Variants in SEMA3A observed in about 807,000 individuals in gnomAD.
The protein encoded by SEMA3A is semaphorin-3A.
In SEMA3A, 29 loss-of-function variants were observed where a neutral mutation model predicts 97.9. The observed-to-expected ratio is 0.30, with a 90% confidence interval of 0.22 to 0.40. The LOEUF (loss-of-function observed/expected upper bound fraction) is 0.40. Ranked by LOEUF, SEMA3A falls within the 10% of genes least tolerant of loss-of-function variation. SEMA3A has a pLI of 1.00. For missense variants in SEMA3A, 763 were observed against 951.3 expected (o/e 0.80, Z 2.60); for synonymous variants, 321 against 323.7 (o/e 0.99, Z 0.09).
chr7:84,037,324 T>C, intron 6 of SEMA3A, among the ~76,000 whole-genome samples: 1 of 151,972 alleles, frequency 6.6e-6, no homozygotes, highest in Non-Finnish European at 1.5e-5. Context: ...CTTTTGTTTA[T>C]TTGTTGTTGT....
intron 4 of SEMA3A, among the ~76,000 whole-genome samples, chr7:84,062,132 C>T (rs180711830): frequency 6.6e-6 from 1 of 152,164 alleles, no homozygotes. Context: ...TATTTATATT[C>T]TATTAATTAT....
intron 5 of SEMA3A, among the ~76,000 whole-genome samples, chr7:84,059,899 A>G (rs1793147198): frequency 6.6e-6 from 1 of 152,098 alleles, no homozygotes; most frequent in Admixed American, 6.6e-5. Context: ...TCTGGAAAAA[A>G]TTCTTTATTT....
At chr7:84,275,067 T>A (rs1800259311) in intron 3 of SEMA3A, among the ~76,000 whole-genome samples, 1 of 152,112 alleles carries the variant, frequency 6.6e-6, no homozygotes, top group Non-Finnish European at 1.5e-5. Flanking sequence ...TATTATTTTT[T>A]ACATATAATT....
intron 2 of SEMA3A, among the ~76,000 whole-genome samples, chr7:84,369,837 A>G (rs114742330): frequency 0.014 from 2,077 of 149,018 alleles, 46 homozygotes; most frequent in African/African-American, 0.049. Flanking sequence ...ATATGAATGA[A>G]AATTAGTAAT....
intron 1 of SEMA3A, among the ~76,000 whole-genome samples, chr7:84,478,399 A>C (rs1011771426): frequency 1.3e-5 from 2 of 152,162 alleles, no homozygotes; most frequent in Non-Finnish European, 2.9e-5. Flanking sequence ...TTGCATATAA[A>C]ATTACATACA....
chr7:83,990,952 C>T (rs958855933), intron 12 of SEMA3A, among the ~76,000 whole-genome samples: 18 of 152,260 alleles, frequency 1.2e-4, no homozygotes, highest in African/African-American at 4.1e-4. Context: ...TACCCATGAG[C>T]ATGGAATGTT....
At chr7:83,980,250 T>C (rs1293340656) in intron 14 of SEMA3A, among the ~76,000 whole-genome samples, 1 of 152,108 alleles carries the variant, frequency 6.6e-6, no homozygotes, top group African/African-American at 2.4e-5. Flanking sequence ...GCAACTTTTA[T>C]TCAAGCATGT....
chr7:84,141,265 G>GTTAC (rs1796283411), intron 1 of SEMA3A, among the ~76,000 whole-genome samples: 1 of 152,170 alleles, frequency 6.6e-6, no homozygotes, highest in South Asian at 2.1e-4. Flanking sequence ...ATCCTGATCT[G>GTTAC]TTACTAACTT....
intron 2 of SEMA3A, among the ~76,000 whole-genome samples, chr7:84,131,823 C>T (rs1432867653): frequency 6.6e-6 from 1 of 151,884 alleles, no homozygotes; most frequent in East Asian, 1.9e-4. Flanking sequence ...GACAAGGTCT[C>T]ACTCTATTGC....
At chr7:84,102,471 C>A (rs1794985390) in intron 4 of SEMA3A, among the ~76,000 whole-genome samples, 1 of 151,710 alleles carries the variant, frequency 6.6e-6, no homozygotes, top group African/African-American at 2.4e-5. Flanking sequence ...CTATGCAGAC[C>A]AAATGTGCTA....
At chr7:84,473,415 G>A (rs946629976) in intron 1 of SEMA3A, among the ~76,000 whole-genome samples, 3 of 148,190 alleles carry the variant, frequency 2.0e-5, no homozygotes, top group Admixed American at 6.8e-5. Flanking sequence ...TATTATTTGC[G>A]ATTGAATCTC....
Position 84,243,907 on chromosome 7 carries a change from T to A in SEMA3A, c.-82-49239A>T, listed in dbSNP as rs191013829. On this transcript the variant is annotated intron_variant, in intron 3 of 3. Coordinates refer to the SEMA3A transcript ENST00000424555. ...GTTCAGTTTCCATGTAGTTGTGTGG[T>A]TTTGAGTGAGTTTCTTAATCCTGAG... Among the ~76,000 whole-genome samples the A allele has an allele frequency of 2.5e-3, 386 of 152,290 alleles. 1 individual carries two copies. Among genetic ancestry groups the A allele is most frequent in the African/African-American group, 8.9e-3 (370 of 41,566 alleles).
intron 3 of SEMA3A, among the ~76,000 whole-genome samples, chr7:84,304,219 T>C (rs528878155): frequency 6.6e-6 from 1 of 152,272 alleles, no homozygotes; most frequent in East Asian, 1.9e-4. Context: ...AATAGATTCA[T>C]AACATGAAGT....
intron 12 of SEMA3A, among the ~76,000 whole-genome samples, chr7:83,987,083 C>T (rs891084089): frequency 6.7e-6 from 1 of 150,116 alleles, no homozygotes; most frequent in African/African-American, 2.4e-5. Flanking sequence ...TATATTTATA[C>T]ACATCTTATC....
At chr7:84,011,474 C>T (rs901932281) in intron 7 of SEMA3A, among the ~76,000 whole-genome samples, 177 bp from the exon 8 acceptor site, 2 of 152,124 alleles carry the variant, frequency 1.3e-5, no homozygotes, top group East Asian at 3.9e-4. Flanking sequence ...CATTTGTGGT[C>T]GAATCGTTCC....
Position 84,046,374 on chromosome 7 carries a change from C to G in SEMA3A, c.617G>C (p.Gly206Ala). The G allele has an allele frequency of 6.2e-7, 1 of 1,613,182 alleles. No individual in the cohort carries two copies. The highest frequency in any genetic ancestry group is 1.1e-5 in the South Asian group (1 of 91,060). The change falls in exon 6 of 17, where the codon GGG becomes GCG. Residue 206 changes from glycine (G) to alanine (A), a missense_variant. Gly to Ala is a moderately conservative substitution (Grantham distance 60). Transcript: ENST00000265362. The stretch of plus-strand genomic sequence containing the variant: ...CTCTGTCCTGATTGGGTGGTGGTGC[C>G]CAAGAGTTCGGAAGATAGCAAAGTC... ...GRDFAIFRTL[G>A]HHHPIRTEQH...
chr7:84,361,372 A>T (rs1202123306), intron 2 of SEMA3A, among the ~76,000 whole-genome samples: 7 of 152,244 alleles, frequency 4.6e-5, no homozygotes, highest in Non-Finnish European at 1.0e-4. Context: ...AATATTCCTG[A>T]ACAAGGGAAA....
intron 2 of SEMA3A, among the ~76,000 whole-genome samples, chr7:84,325,940 T>C (rs1801765797): frequency 6.6e-6 from 1 of 152,118 alleles, no homozygotes; most frequent in Non-Finnish European, 1.5e-5. Flanking sequence ...TATCCACTGT[T>C]CTGCTCTCAG....
intron 3 of SEMA3A, among the ~76,000 whole-genome samples, chr7:84,224,166 A>G (rs1004701887): frequency 6.6e-6 from 1 of 151,956 alleles, no homozygotes; most frequent in Non-Finnish European, 1.5e-5. Context: ...ATTTCATACT[A>G]ATTTAAAGGC....
Sources: gnomAD v4.1 joint callset for allele counts (sites outside exome capture counted in the v4.1 genomes callset) on GRCh38, gnomAD v4.1.1 for gene constraint, MANE v1.5 for transcripts, NCBI Gene and HGNC (gene_info 2026-07-23, HGNC 2026-07-21) for gene names.